The following TMEM65 variants were observed in gnomAD, a reference collection of about 807,000 sequenced individuals.
TMEM65 encodes the protein transmembrane protein 65.
A neutral mutation model predicts 25.4 loss-of-function variants in TMEM65; 22 were observed. That is an observed-to-expected ratio of 0.86 (90% CI 0.62 to 1.23). The LOEUF is 1.23. TMEM65 is among the 50% of genes most tolerant of loss of function. The pLI is 0.00. For missense variants in TMEM65, 262 were observed against 308.2 expected (o/e 0.85, Z 1.12); for synonymous variants, 132 against 126.2 (o/e 1.05, Z -0.31).
chr8:124,371,731 G>A (rs941222815), intron 1 of TMEM65, 123 bp downstream of exon 1: 12 of 978,150 alleles, frequency 1.2e-5, no homozygotes, highest in Non-Finnish European at 1.7e-5. Flanking sequence ...AGACAGGCGA[G>A]GGGGGCGGAA....
chr8:124,317,396 A>G (rs535638221), intron 6 of TMEM65, among the ~76,000 whole-genome samples: 3 of 152,314 alleles, frequency 2.0e-5, no homozygotes, highest in African/African-American at 7.2e-5. Context: ...TGATTTCTTT[A>G]TATCAAGAGG....
chr8:124,339,007 G>A (rs1330724977), intron 1 of TMEM65, among the ~76,000 whole-genome samples: 2 of 151,322 alleles, frequency 1.3e-5, no homozygotes, highest in East Asian at 1.9e-4. Context: ...TGGCCAATAT[G>A]GTGAAACCCC....
At position 124,307,003 on chromosome 8, in the gene TMEM65, T is replaced by C. The variant is rs1055942410; in HGVS notation, c.*6957A>G. ...ACTTAACGCATACACAGACTATACA[T>C]TGGAGCCATTTGCAGTTGAGACAAA... On this transcript the variant is annotated 3_prime_UTR_variant, in exon 7 of 7. Transcript: ENST00000297632. 1.7e-4 allele frequency: 26 copies of C among 152,084 alleles called. No individual in the cohort carries two copies. The highest frequency in any genetic ancestry group is 6.0e-4 in the African/African-American group (25 of 41,470). The allele number at this position is 152,084 out of a possible 1,614,324, so 9.4% of individuals were successfully genotyped here. A position where few individuals can be genotyped will look rare whatever the true frequency, so the allele number is the denominator to read the frequency against.
In TMEM65 at chr8:124,344,246, G is replaced by T. The variant is rs903498737; in HGVS notation, c.305-13454C>A. 5.3e-5 allele frequency among the ~76,000 whole-genome samples: 8 copies of T among 152,154 alleles called. No individual in the cohort carries two copies. In the South Asian group the frequency reaches 1.7e-3, roughly 32 times the overall value. On this transcript the variant is annotated intron_variant, in intron 1 of 6. Coordinates refer to ENST00000297632, the MANE Select transcript of TMEM65 (RefSeq NM_194291.3). ...ATCACTGTCACTCCATAACCAACTG[G>T]AAAATGAACATTGGTCTATACCTCT...
chr8:124,320,797 T>C (rs958241899), intron 5 of TMEM65, among the ~76,000 whole-genome samples: 11 of 152,096 alleles, frequency 7.2e-5, no homozygotes, highest in African/African-American at 2.7e-4. Context: ...CTACCAACAA[T>C]AAGATGGATC....
At chr8:124,343,406 C>T (rs1475769811) in intron 1 of TMEM65, among the ~76,000 whole-genome samples, 1 of 151,918 alleles carries the variant, frequency 6.6e-6, no homozygotes, top group Non-Finnish European at 1.5e-5. Flanking sequence ...TAAAAGAAGC[C>T]CTTCATGACC....
chr8:124,356,950 C>T (rs564535813), intron 1 of TMEM65, among the ~76,000 whole-genome samples: 1 of 152,262 alleles, frequency 6.6e-6, no homozygotes, highest in Admixed American at 6.5e-5. Flanking sequence ...TCAAACAATC[C>T]TCCCAACTCG....
intron 1 of TMEM65, among the ~76,000 whole-genome samples, chr8:124,370,837 C>T (rs1273720751): frequency 6.6e-6 from 1 of 152,160 alleles, no homozygotes; most frequent in African/African-American, 2.4e-5. Flanking sequence ...GTTTATGTAC[C>T]TACCAAGTTT....
chr8:124,325,975 A>G (rs11992924), intron 3 of TMEM65, among the ~76,000 whole-genome samples: 24,751 of 152,026 alleles, frequency 0.16, 2,234 homozygotes, highest in East Asian at 0.28. Context: ...CACCAAAAAG[A>G]AAACCTGCAT....
At position 124,314,038 on chromosome 8, in the gene TMEM65, A is replaced by G; in HGVS notation, c.645T>C (p.Ile215=). Residue 215 remains isoleucine (I), a synonymous_variant, in exon 7 of 7, where the codon ATT becomes ATC. Transcript: ENST00000297632. The stretch of plus-strand genomic sequence containing the variant: ...AAGGAAACATTCCTAGAATGCAGCC[A>G]ATAGTCACCCCAACAGCTTTGCCCT... ...THLGKAVGVT[I]GCILGMFPLI... The G allele has an allele frequency of 3.1e-6, 5 of 1,613,666 alleles. No individual in the cohort carries two copies. The highest frequency in any genetic ancestry group is 4.2e-6 in the Non-Finnish European group (5 of 1,179,774).
At position 124,372,290 on chromosome 8, in the gene TMEM65, C is replaced by T; in HGVS notation, c.-133G>A. On this transcript the variant is annotated 5_prime_UTR_variant, in exon 1 of 7. In the 5' UTR this introduces an upstream ATG that the reference lacks. Transcript: ENST00000297632. ...TGCCAGGCAGCCGAGGCGCCGGGCA[C>T]CATGCACTCCGCGGGCCCGCGCGGC... The T allele has an allele frequency of 1.2e-6, 1 of 848,406 alleles. No individual in the cohort carries two copies. The highest frequency in any genetic ancestry group is 3.3e-5 in the South Asian group (1 of 30,048). The allele number at this position is 848,406 out of a possible 1,614,324, so 52.6% of individuals were successfully genotyped here.
chr8:124,306,228 A>T lies in TMEM65; in HGVS notation c.*7732T>A, dbSNP rs1233998424. 2 of 152,242 alleles carry T rather than the reference A, an allele frequency of 1.3e-5. No homozygotes were observed. Among genetic ancestry groups the T allele is most frequent in the Non-Finnish European group, 2.9e-5 (2 of 68,046 alleles). 9.4% of individuals were successfully genotyped at this position (152,242 alleles called of 1,614,324 possible). A position where few individuals can be genotyped will look rare whatever the true frequency, so the allele number is the denominator to read the frequency against. Reference sequence around the variant, plus strand: ...ACAAGTTTATTTACTAAGTCAAGTCAAACTGAGGAGTATTTGTTTCTTTGG... The same window carrying T: ...ACAAGTTTATTTACTAAGTCAAGTCTAACTGAGGAGTATTTGTTTCTTTGG... On this transcript the variant is annotated 3_prime_UTR_variant, in exon 7 of 7. Transcript: ENST00000297632.
At chr8:124,357,646 G>A (rs573223104) in intron 1 of TMEM65, among the ~76,000 whole-genome samples, 2 of 152,178 alleles carry the variant, frequency 1.3e-5, no homozygotes, top group South Asian at 4.1e-4. Flanking sequence ...AGGAGACTAA[G>A]ATATGTTACC....
intron 1 of TMEM65, among the ~76,000 whole-genome samples, chr8:124,343,011 G>T (rs1814599426): frequency 1.3e-5 from 2 of 152,198 alleles, no homozygotes; most frequent in South Asian, 2.1e-4. Flanking sequence ...CTTTTATAGG[G>T]TATTTCTGGA....
intron 1 of TMEM65, among the ~76,000 whole-genome samples, chr8:124,366,379 G>A (rs1563601269): frequency 6.6e-6 from 1 of 152,116 alleles, no homozygotes; most frequent in African/African-American, 2.4e-5. Context: ...TTCCAGTTGA[G>A]GCCAGCCCTC....
In TMEM65 at chr8:124,339,081, C is replaced by T. The variant is rs561097443; in HGVS notation, c.305-8289G>A. ...GCAGGCGCCTGTAGTCCCAGCTACT[C>T]AGGAGGCTGCGGCAGGTGAATCACT... On this transcript the variant is annotated intron_variant, in intron 1 of 6. Coordinates refer to ENST00000297632, the MANE Select transcript of TMEM65 (RefSeq NM_194291.3). Among the ~76,000 whole-genome samples, 57 of 149,064 alleles carry T rather than the reference C, an allele frequency of 3.8e-4. 1 individual carries two copies. The highest frequency in any genetic ancestry group is 7.0e-3 in the Middle Eastern group (2 of 286).
intron 1 of TMEM65, among the ~76,000 whole-genome samples, chr8:124,349,321 TCCC>T (rs1814677560): frequency 6.7e-6 from 1 of 148,466 alleles, no homozygotes; most frequent in Admixed American, 6.9e-5. Context: ...AAAATGTAAT[TCCC>T]CTTCAGATAC....
At chr8:124,326,512 C>T (rs1489961053) in intron 3 of TMEM65, among the ~76,000 whole-genome samples, 2 of 151,956 alleles carry the variant, frequency 1.3e-5, no homozygotes, top group African/African-American at 4.8e-5. Context: ...TTTAGAACCA[C>T]ACTGCCTTCT....
chr8:124,320,227 T>C (rs1210368822), intron 5 of TMEM65, 36 bp from the exon 6 acceptor site: 39 of 1,506,092 alleles, frequency 2.6e-5, no homozygotes, highest in Middle Eastern at 1.7e-4. Context: ...ATATAGGTTA[T>C]GTTTCAATAA....
Sources: allele counts gnomAD v4.1 joint callset (sites outside exome capture counted in the v4.1 genomes callset), GRCh38; gene constraint gnomAD v4.1.1; transcripts MANE v1.5; gene names NCBI Gene and HGNC (gene_info 2026-07-23, HGNC 2026-07-21).